The following CEP112 variants were observed in gnomAD, a reference collection of about 807,000 sequenced individuals.
CEP112 encodes the protein centrosomal protein 112.
CEP112 carries 127 observed loss-of-function variants against 153.0 expected under a neutral mutation model. The observed-to-expected ratio is 0.83, with a 90% CI of 0.72 to 0.96. The LOEUF (loss-of-function observed/expected upper bound fraction) is 0.96, where lower values mean the gene tolerates loss of function less well. Among genes scored for constraint, CEP112 ranks in the 40% least tolerant of loss-of-function variants. The pLI is 0.00. For missense variants in CEP112, 1,089 were observed against 1,101.2 expected (o/e 0.99, Z 0.16); for synonymous variants, 358 against 374.4 (o/e 0.96, Z 0.51).
At chr17:66,088,601 C>A (rs1300911859) in intron 8 of CEP112, among the ~76,000 whole-genome samples, 1 of 152,048 alleles carries the variant, frequency 6.6e-6, no homozygotes, top group Non-Finnish European at 1.5e-5. Context: ...ATGCTTTAGA[C>A]CCACCCAACC....
intron 23 of CEP112, among the ~76,000 whole-genome samples, chr17:65,707,414 C>T (rs1309379049): frequency 3.3e-5 from 5 of 152,146 alleles, no homozygotes; most frequent in South Asian, 4.1e-4. Context: ...CATCTCCCTC[C>T]CATACATTCT....
At chr17:65,793,981 G>T (rs934228678) in intron 21 of CEP112, among the ~76,000 whole-genome samples, 8 of 152,180 alleles carry the variant, frequency 5.3e-5, no homozygotes, top group African/African-American at 1.7e-4. Context: ...CAAAAAGAAT[G>T]ATAGTTTTCT....
chr17:65,859,490 C>T (rs1348171600), intron 20 of CEP112, among the ~76,000 whole-genome samples: 1 of 150,188 alleles, frequency 6.7e-6, no homozygotes, highest in African/African-American at 2.4e-5. Flanking sequence ...TTATGATTAT[C>T]TGAATACACA....
intron 24 of CEP112, chr17:65,654,814 T>G (rs921160202): frequency 5.1e-6 from 2 of 393,110 alleles, no homozygotes; most frequent in African/African-American, 2.1e-5. Context: ...AGAAAATTAC[T>G]AATAAACTGT....
At chr17:65,868,137 A>G (rs1598828981) in intron 20 of CEP112, among the ~76,000 whole-genome samples, 1 of 152,142 alleles carries the variant, frequency 6.6e-6, no homozygotes, top group East Asian at 1.9e-4. Context: ...GCAAAACTTC[A>G]GATTTTTATT....
At position 65,715,287 on chromosome 17, in the gene CEP112, C is replaced by T. The variant is rs112059633; in HGVS notation, c.2608-26069G>A. ...GAGAAGCCAGGGTCAGGTGCTCAGT[C>T]GGGATTGTTCTGCAAGAGGAATTAG... On this transcript the variant is annotated intron_variant, in intron 23 of 26. Transcript: ENST00000535342. Among the ~76,000 whole-genome samples, 207 of 152,006 alleles carry T rather than the reference C, an allele frequency of 1.4e-3. 2 individuals are homozygous for T. Among genetic ancestry groups the T allele is most frequent in the African/African-American group, 4.9e-3 (204 of 41,442 alleles).
At chr17:66,119,803 T>G (rs2069485884) in intron 6 of CEP112, among the ~76,000 whole-genome samples, 1 of 152,342 alleles carries the variant, frequency 6.6e-6, no homozygotes, top group South Asian at 2.1e-4. Context: ...GTTTTAATTT[T>G]TTTTAAGTGC....
At chr17:66,074,022 C>T (rs1170097552) in intron 8 of CEP112, among the ~76,000 whole-genome samples, 3 of 151,796 alleles carry the variant, frequency 2.0e-5, no homozygotes, top group African/African-American at 7.3e-5. Context: ...CTTCAGCACA[C>T]CACAGTTTAA....
intron 23 of CEP112, among the ~76,000 whole-genome samples, chr17:65,716,003 G>A (rs2049488618): frequency 6.6e-6 from 1 of 152,162 alleles, no homozygotes; most frequent in Non-Finnish European, 1.5e-5. Context: ...TTTATTGGTT[G>A]ATAGATGTAA....
chr17:65,847,425 T>G (rs1225653715), intron 21 of CEP112, among the ~76,000 whole-genome samples: 3 of 152,198 alleles, frequency 2.0e-5, no homozygotes, highest in Admixed American at 6.5e-5. Context: ...TCGCTTTTTT[T>G]GAAACTCCTC....
At chr17:65,644,168 C>A (rs2045306203) in intron 24 of CEP112, 4 of 841,164 alleles carry the variant, frequency 4.8e-6, no homozygotes, top group Non-Finnish European at 8.1e-6. Flanking sequence ...ATTCAACTTG[C>A]AGTTGTTCTT....
rs530120987 is a variant in CEP112 at position 66,158,181 on chromosome 17, A to C, written c.470+16863T>G. 4.3e-4 allele frequency among the ~76,000 whole-genome samples: 66 copies of C among 152,342 alleles called. No homozygotes were observed. In the Middle Eastern group the frequency reaches 0.017, roughly 39 times the overall value. On this transcript the variant is annotated intron_variant, in intron 4 of 26. Coordinates refer to ENST00000535342, the MANE Select transcript of CEP112 (RefSeq NM_001199165.4). ...AATGCAAAAGAACAGAAATCATAAT[A>C]AACAGTCTCTCAGACCACAGTGTAA...
intron 24 of CEP112, among the ~76,000 whole-genome samples, chr17:65,659,821 G>A (rs1013998022): frequency 2.6e-5 from 4 of 152,210 alleles, no homozygotes; most frequent in Non-Finnish European, 5.9e-5. Flanking sequence ...GGCCAGGAAG[G>A]GAACAGGAGA....
chr17:65,868,532 A>C (rs1387293339), intron 20 of CEP112, among the ~76,000 whole-genome samples: 4 of 152,128 alleles, frequency 2.6e-5, no homozygotes, highest in Non-Finnish European at 1.5e-5. Flanking sequence ...CATTGAAAGA[A>C]ATATGCATTT....
At chr17:65,735,463 A>T (rs8079729) in intron 23 of CEP112, among the ~76,000 whole-genome samples, 23,180 of 151,988 alleles carry the variant, frequency 0.15, 2,556 homozygotes, top group East Asian at 0.62. Flanking sequence ...GATTTAACAA[A>T]ATCAATACAG....
At chr17:65,810,233 T>C (rs1568047439) in intron 21 of CEP112, among the ~76,000 whole-genome samples, 2 of 152,036 alleles carry the variant, frequency 1.3e-5, no homozygotes, top group Non-Finnish European at 2.9e-5. Flanking sequence ...TGAAGTGAGA[T>C]TTGGATTGCA....
rs1330848525 is a variant in CEP112, at chr17:66,029,874, C to T, written c.1368G>A (p.Lys456=). 3.1e-6 allele frequency: 5 copies of T among 1,613,090 alleles called. No homozygotes were observed. Among genetic ancestry groups the T allele is most frequent in the Middle Eastern group, 1.7e-4 (1 of 6,050 alleles). The change falls in exon 13 of 27, where the codon AAG becomes AAA. Residue 456 remains lysine, a synonymous_variant. Transcript: ENST00000535342. The part of the protein sequence containing the change: ...QITCSELQEV[K]ARRNTLHKEK... ...TATCTGATTTCAGACAATACCTTGC[C>T]TTTACTTCTTGTAATTCACTACACG...
At chr17:65,990,556 T>C (rs936683056) in intron 17 of CEP112, among the ~76,000 whole-genome samples, 43 of 152,364 alleles carry the variant, frequency 2.8e-4, no homozygotes, top group African/African-American at 1.0e-3. Flanking sequence ...TGTAGTCAGC[T>C]GACATCTGCC....
At chr17:65,926,378 C>T (rs940270261) in intron 19 of CEP112, among the ~76,000 whole-genome samples, 1 of 152,174 alleles carries the variant, frequency 6.6e-6, no homozygotes, top group Non-Finnish European at 1.5e-5. Flanking sequence ...CCACCCTCCA[C>T]CTGGCAAAGG....
Sources: gnomAD v4.1 joint callset for allele counts (sites outside exome capture counted in the v4.1 genomes callset) on GRCh38, gnomAD v4.1.1 for gene constraint, MANE v1.5 for transcripts, NCBI Gene and HGNC (gene_info 2026-07-23, HGNC 2026-07-21) for gene names.